The following PDE10A variants were observed in gnomAD, a reference collection of about 807,000 sequenced individuals.
PDE10A encodes the protein cAMP and cAMP-inhibited cGMP 3',5'-cyclic phosphodiesterase 10A.
A neutral mutation model predicts 97.7 loss-of-function variants in PDE10A; 39 were observed. The observed-to-expected ratio is 0.40, with a 90% CI of 0.31 to 0.52. PDE10A has a LOEUF of 0.52. PDE10A is among the 20% of genes least tolerant of loss of function. PDE10A has a pLI of 0.56. For missense variants in PDE10A, 731 were observed against 1,047.8 expected (o/e 0.70, Z 4.17); for synonymous variants, 371 against 376.8 (o/e 0.98, Z 0.18).
At chr6:165,824,698 T>C (rs147540214) in intron 1 of PDE10A, among the ~76,000 whole-genome samples, 6 of 152,298 alleles carry the variant, frequency 3.9e-5, no homozygotes, top group Non-Finnish European at 7.4e-5. Flanking sequence ...TTGGTGTTTG[T>C]TGGAAAAAGT....
chr6:165,888,317 C>T (rs1451676971), intron 1 of PDE10A, among the ~76,000 whole-genome samples: 1 of 151,562 alleles, frequency 6.6e-6, no homozygotes, highest in African/African-American at 2.4e-5. Context: ...AATGGAGTCT[C>T]GCTTTGTCGC....
chr6:165,497,641 G>C (rs1780616908), intron 2 of PDE10A, among the ~76,000 whole-genome samples: 1 of 152,048 alleles, frequency 6.6e-6, no homozygotes, highest in Admixed American at 6.6e-5. Context: ...AGTCATCTCT[G>C]AATGATCTAC....
intron 1 of PDE10A, among the ~76,000 whole-genome samples, chr6:165,686,738 T>C (rs1791131319): frequency 1.3e-5 from 2 of 152,290 alleles, no homozygotes; most frequent in Middle Eastern, 3.4e-3. Context: ...AGCCATTTGG[T>C]TGAGAGCAGA....
intron 19 of PDE10A, among the ~76,000 whole-genome samples, 189 bp downstream of exon 19, chr6:165,343,202 T>C (rs1021519458): frequency 1.3e-5 from 2 of 152,218 alleles, no homozygotes; most frequent in Non-Finnish European, 2.9e-5. Context: ...TAGACACACA[T>C]GTAAGTAATA....
chr6:165,526,164 TG>T (rs779174813), intron 2 of PDE10A, among the ~76,000 whole-genome samples: 7 of 152,134 alleles, frequency 4.6e-5, no homozygotes, highest in Non-Finnish European at 1.0e-4. Flanking sequence ...GGAAAGGAAA[TG>T]ATCAGACCTT....
At chr6:165,985,339 C>T (rs1395820564) in intron 1 of PDE10A, among the ~76,000 whole-genome samples, 1 of 152,200 alleles carries the variant, frequency 6.6e-6, no homozygotes, top group Admixed American at 6.5e-5. Flanking sequence ...AGGTGTCTGC[C>T]TGGGTTTCTT....
intron 2 of PDE10A, among the ~76,000 whole-genome samples, chr6:165,497,181 A>C (rs999418393): frequency 6.6e-6 from 1 of 152,220 alleles, no homozygotes; most frequent in African/African-American, 2.4e-5. Flanking sequence ...GATTATAATG[A>C]TTTTTAATAA....
At chr6:165,812,492 A>T (rs1023765349) in intron 1 of PDE10A, among the ~76,000 whole-genome samples, 3 of 152,190 alleles carry the variant, frequency 2.0e-5, no homozygotes, top group African/African-American at 7.2e-5. Flanking sequence ...AGGAAAACTG[A>T]CTTTTTCACA....
intron 1 of PDE10A, among the ~76,000 whole-genome samples, chr6:165,653,061 A>G (rs1019124892): frequency 1.6e-4 from 24 of 152,220 alleles, no homozygotes; most frequent in African/African-American, 5.8e-4. Flanking sequence ...ACATGAAAAT[A>G]TTATAAATGA....
rs1249831013 is a variant in PDE10A, at chr6:165,418,803, G to A, written c.1654-26C>T. 6.9e-6 allele frequency: 11 copies of A among 1,599,864 alleles called. No individual in the cohort carries two copies. Among genetic ancestry groups the A allele is most frequent in the Non-Finnish European group, 7.7e-6 (9 of 1,170,980 alleles). On this transcript the variant is annotated intron_variant, in intron 10 of 21. Coordinates refer to ENST00000539869, the MANE Select transcript of PDE10A (RefSeq NM_001385079.1). This position sits in a 1 kb window ranked among gnomAD's most constrained non-coding sequence, Gnocchi z 4.8. ...CTAAAGACAAATGACAAAATAAGAG[G>A]AAGACAATGAGACATTCAAAGAACT... is the stretch of plus-strand genomic sequence containing the variant.
intron 1 of PDE10A, among the ~76,000 whole-genome samples, chr6:165,637,165 A>G (rs1420952825): frequency 2.6e-5 from 4 of 152,222 alleles, no homozygotes; most frequent in Non-Finnish European, 5.9e-5. Flanking sequence ...CTCACAGACT[A>G]TAAGAGATGG....
intron 2 of PDE10A, among the ~76,000 whole-genome samples, chr6:165,500,783 C>T (rs931025380): frequency 3.3e-5 from 5 of 151,218 alleles, no homozygotes; most frequent in Admixed American, 6.6e-5. Context: ...TCTCCAGGGG[C>T]AATAGAATGT....
At chr6:165,367,265 G>T (rs924192899) in intron 18 of PDE10A, among the ~76,000 whole-genome samples, 4 of 150,612 alleles carry the variant, frequency 2.7e-5, no homozygotes, top group African/African-American at 9.8e-5. Flanking sequence ...GTGTGTGTGC[G>T]TGCATCTGTG....
At chr6:165,473,592 T>C (rs1016097616) in intron 3 of PDE10A, among the ~76,000 whole-genome samples, 1 of 150,298 alleles carries the variant, frequency 6.7e-6, no homozygotes, top group African/African-American at 2.5e-5. Flanking sequence ...TTAAGAGTGA[T>C]GGAGGCAAGG....
chr6:165,348,017 C>T (rs1466616024), intron 18 of PDE10A, among the ~76,000 whole-genome samples: 1 of 152,050 alleles, frequency 6.6e-6, no homozygotes, highest in East Asian at 1.9e-4. Flanking sequence ...TTGACGTGCA[C>T]GTACCTGTAC....
At chr6:165,737,555 T>C (rs1039109745) in intron 1 of PDE10A, among the ~76,000 whole-genome samples, 2 of 152,168 alleles carry the variant, frequency 1.3e-5, no homozygotes, top group Non-Finnish European at 2.9e-5. Flanking sequence ...AAATATATGG[T>C]CATCTCAGTA....
intron 1 of PDE10A, among the ~76,000 whole-genome samples, chr6:165,855,283 T>C (rs931781709): frequency 8.3e-6 from 1 of 120,746 alleles, no homozygotes. Flanking sequence ...TCGAGGGGAC[T>C]CATAGGCGGC....
At chr6:165,554,404 A>G (rs1166002516) in intron 1 of PDE10A, among the ~76,000 whole-genome samples, 2 of 152,230 alleles carry the variant, frequency 1.3e-5, no homozygotes, top group East Asian at 1.9e-4. Context: ...AAACAGGAAT[A>G]TGAAAAGATG....
chr6:165,506,950 T>C (rs957587920), intron 2 of PDE10A, among the ~76,000 whole-genome samples: 1 of 152,174 alleles, frequency 6.6e-6, no homozygotes, highest in Admixed American at 6.5e-5. Flanking sequence ...TCAGTAATCA[T>C]CAGCTCAGGA....
Sources: gnomAD v4.1 joint callset for allele counts (sites outside exome capture counted in the v4.1 genomes callset) on GRCh38, gnomAD v4.1.1 for gene constraint, Gnocchi (gnomAD v3.1) non-coding constraint, MANE v1.5 for transcripts, NCBI Gene and HGNC (gene_info 2026-07-23, HGNC 2026-07-21) for gene names.